ATAD2B: variants seen among roughly 807,000 people sequenced by gnomAD.
The protein encoded by ATAD2B is ATPase family AAA domain-containing protein 2B.
Under a neutral mutation model 167.6 loss-of-function variants are expected in ATAD2B, and 40 were observed. The observed-to-expected ratio is 0.24, with a 90% CI of 0.19 to 0.31. ATAD2B has a LOEUF of 0.31. ATAD2B is among the 10% of genes least tolerant of loss of function. ATAD2B has a pLI of 1.00. For missense variants in ATAD2B, 1,242 were observed against 1,757.2 expected (o/e 0.71, Z 5.24); for synonymous variants, 579 against 596.5 (o/e 0.97, Z 0.43).
chr2:23,732,341 T>C, the ATAD2B span, among the ~76,000 whole-genome samples: 1 of 152,164 alleles, frequency 6.6e-6, no homozygotes, highest in East Asian at 1.9e-4. Context: ...AACTGAAATG[T>C]GGTGTTTAGA....
chr2:23,693,074 T>C, the ATAD2B span, among the ~76,000 whole-genome samples: 157 of 151,890 alleles, frequency 1.0e-3, no homozygotes, highest in Middle Eastern at 6.8e-3. Context: ...CAGCATGAAA[T>C]GGGGTAGGGG....
the ATAD2B span, among the ~76,000 whole-genome samples, chr2:23,728,380 T>C: frequency 5.9e-5 from 9 of 152,142 alleles, no homozygotes; most frequent in African/African-American, 1.4e-4. Flanking sequence ...ACTAATGAGA[T>C]TGGTACATGG....
intron 1 of ATAD2B, among the ~76,000 whole-genome samples, chr2:23,911,628 C>T (rs890548626): frequency 1.1e-4 from 16 of 151,886 alleles, no homozygotes; most frequent in African/African-American, 3.4e-4. Context: ...GGGGGCGAAG[C>T]GAAGCTAATA....
chr2:23,763,819 T>C (rs889624352), intron 23 of ATAD2B, among the ~76,000 whole-genome samples: 3 of 152,158 alleles, frequency 2.0e-5, no homozygotes, highest in Non-Finnish European at 4.4e-5. Context: ...CTCAAACTCC[T>C]GGGCTCAAGC....
intron 4 of ATAD2B, 71 bp downstream of exon 4, chr2:23,887,761 A>G: frequency 7.3e-7 from 1 of 1,372,806 alleles, no homozygotes; most frequent in Non-Finnish European, 9.7e-7. Flanking sequence ...TGCTTATGTT[A>G]TTTTTTTAAA....
chr2:23,820,352 T>C (rs1687254385), intron 16 of ATAD2B, among the ~76,000 whole-genome samples: 1 of 152,176 alleles, frequency 6.6e-6, no homozygotes, highest in African/African-American at 2.4e-5. Flanking sequence ...AGTCTTAGTG[T>C]AGTTAAGATG....
In ATAD2B at chr2:23,869,568, T is replaced by C. The variant is rs186356250; in HGVS notation, c.1076+95A>G. ...CAATGTCTTAATCTAGTCTAAAATA[T>C]GTGTTGAATATCAATGTTAGCAAAG... On this transcript the variant is annotated intron_variant, in intron 9 of 27. Transcript: ENST00000238789. The C allele has an allele frequency of 3.0e-4, 247 of 817,352 alleles. 1 individual carries two copies. The Admixed American group carries it at 4.7e-3, about 16-fold the overall frequency. 50.6% of individuals were successfully genotyped at this position (817,352 alleles called of 1,614,324 possible). A position where few individuals can be genotyped will look rare whatever the true frequency, so the allele number is the denominator to read the frequency against.
chr2:23,691,943 A>G, the ATAD2B span: 1 of 1,469,064 alleles, frequency 6.8e-7, no homozygotes, highest in Non-Finnish European at 9.2e-7. Flanking sequence ...CTCCATAAAC[A>G]GCAAGGACTG....
intron 16 of ATAD2B, among the ~76,000 whole-genome samples, chr2:23,822,852 G>A: frequency 7.0e-6 from 1 of 143,250 alleles, no homozygotes; most frequent in African/African-American, 2.6e-5. Flanking sequence ...GGGAGGCGGA[G>A]GTTGCAGTAA....
intron 13 of ATAD2B, among the ~76,000 whole-genome samples, chr2:23,844,110 T>C (rs762470969): frequency 2.0e-5 from 3 of 152,170 alleles, no homozygotes; most frequent in Admixed American, 6.5e-5. Flanking sequence ...AGCTAATTTT[T>C]TGTATTTTTA....
rs1200625747 is a variant in ATAD2B at position 23,926,797 on chromosome 2, G to C, written c.-27C>G. On this transcript the variant is annotated 5_prime_UTR_variant, in exon 1 of 28. Coordinates refer to ENST00000238789, the MANE Select transcript of ATAD2B (RefSeq NM_017552.4). ...GTCCAGCCAGGGGGACGGAGTCCAC[G>C]CCGCGCCCGGGAGAGCCGAGCAAGG... 10 of 1,492,158 alleles carry C rather than the reference G, an allele frequency of 6.7e-6. No homozygotes were observed. The highest frequency in any genetic ancestry group is 8.9e-6 in the Non-Finnish European group (10 of 1,119,086). 92.4% of individuals were successfully genotyped at this position (1,492,158 alleles called of 1,614,324 possible). A position where few individuals can be genotyped will look rare whatever the true frequency, so the allele number is the denominator to read the frequency against.
chr2:23,872,846 C>T, intron 8 of ATAD2B: 1 of 965,258 alleles, frequency 1.0e-6, no homozygotes, highest in Admixed American at 1.7e-5. Flanking sequence ...TGAGGTGAAG[C>T]AGATGTCAAA....
chr2:23,687,755 G>A, the ATAD2B span, among the ~76,000 whole-genome samples: 2 of 152,182 alleles, frequency 1.3e-5, no homozygotes, highest in Non-Finnish European at 2.9e-5. Flanking sequence ...GTCGAAAGGC[G>A]GGAGGGGGTC....
rs965218991 is a variant in ATAD2B, at chr2:23,748,926, A to T, written c.*3120T>A. On this transcript the variant is annotated 3_prime_UTR_variant, in exon 28 of 28. Transcript: ENST00000238789. ...GGACTCCCAAAGTCTAAGTAACCAGATGTACAGAATACAAAAGATGCAGGT... is the reference window on the plus strand; with the variant it reads ...GGACTCCCAAAGTCTAAGTAACCAGTTGTACAGAATACAAAAGATGCAGGT... 1.3e-5 allele frequency: 2 copies of T among 152,238 alleles called. No individual in the cohort carries two copies. The highest frequency in any genetic ancestry group is 1.9e-4 in the East Asian group (1 of 5,190). 9.4% of individuals were successfully genotyped at this position (152,238 alleles called of 1,614,324 possible). A position where few individuals can be genotyped will look rare whatever the true frequency, so the allele number is the denominator to read the frequency against.
At chr2:23,831,030 T>C (rs1201456368) in intron 14 of ATAD2B, among the ~76,000 whole-genome samples, 3 of 152,190 alleles carry the variant, frequency 2.0e-5, no homozygotes, top group Admixed American at 6.5e-5. Flanking sequence ...CACTTTCCTT[T>C]TGTCATACTA....
At chr2:23,904,888 A>C (rs1255858687) in intron 1 of ATAD2B, among the ~76,000 whole-genome samples, 1 of 152,190 alleles carries the variant, frequency 6.6e-6, no homozygotes, top group Non-Finnish European at 1.5e-5. Context: ...GACTGCAAAA[A>C]ACAAAACTCT....
rs36040486 is a variant in ATAD2B at position 23,824,482 on chromosome 2, C to G, written c.1820-913G>C. Among the ~76,000 whole-genome samples the G allele has an allele frequency of 9.7e-3, 1,484 of 152,282 alleles. 11 individuals are homozygous for G. The highest frequency in any genetic ancestry group is 0.016 in the Non-Finnish European group (1,082 of 68,012). ...TACTACCAACTCTGAGTACAACCAA[C>G]TATTAACATTCAGTTACTCCCATAA... On this transcript the variant is annotated intron_variant, in intron 15 of 27. Transcript: ENST00000238789.
intron 13 of ATAD2B, among the ~76,000 whole-genome samples, chr2:23,847,231 CGCTTTG>C (rs1573014365): frequency 6.7e-6 from 1 of 148,168 alleles, no homozygotes; most frequent in East Asian, 2.0e-4. Context: ...AGTGGCTGGG[CGCTTTG>C]GCTCATGCCT....
chr2:23,829,864 A>G (rs191113766), intron 14 of ATAD2B, among the ~76,000 whole-genome samples: 396 of 152,388 alleles, frequency 2.6e-3, no homozygotes, highest in African/African-American at 9.3e-3. Context: ...TTGAAAGATC[A>G]AAGTGTTATA....
Sources: gnomAD v4.1 joint callset for allele counts (sites outside exome capture counted in the v4.1 genomes callset) on GRCh38, gnomAD v4.1.1 for gene constraint, MANE v1.5 for transcripts, NCBI Gene and HGNC (gene_info 2026-07-23, HGNC 2026-07-21) for gene names.